Variants in WDR31 observed in about 807,000 individuals in gnomAD.
WDR31 encodes the protein WD repeat domain 31.
A neutral mutation model predicts 47.3 loss-of-function variants in WDR31; 30 were observed. The ratio of observed to expected loss-of-function variants is 0.63; its 90% CI spans 0.47 to 0.86. The LOEUF is 0.86. Among genes scored for constraint, WDR31 ranks in the 40% least tolerant of loss-of-function variants. The pLI, the probability that WDR31 is intolerant of heterozygous loss-of-function variation, is 0.00. For synonymous variants in WDR31, 137 were observed against 159.4 expected, an observed-to-expected ratio of 0.86 and a Z score of 1.06; for missense variants, 406 against 442.9, an observed-to-expected ratio of 0.92 and a Z score of 0.75.
chr9:113,317,049 G>C (rs1833221913), intron 10 of WDR31, 140 bp from the exon 11 acceptor site: 1 of 1,062,466 alleles, frequency 9.4e-7, no homozygotes, highest in Non-Finnish European at 1.3e-6. Context: ...TTCTTCAGAG[G>C]AAAGCATACC....
intron 10 of WDR31, among the ~76,000 whole-genome samples, chr9:113,317,417 C>A (rs549127476): frequency 1.3e-5 from 2 of 152,364 alleles, no homozygotes; most frequent in East Asian, 3.9e-4. Context: ...GGCAGGGAAT[C>A]TGTGCCACTT....
chr9:113,337,137 A>G (rs2118865907), intron 1 of WDR31, among the ~76,000 whole-genome samples: 1 of 152,342 alleles, frequency 6.6e-6, no homozygotes, highest in South Asian at 2.1e-4. Context: ...TGTCTGCATT[A>G]GATAGGACTA....
chr9:113,331,909 G>A lies in WDR31; in HGVS notation c.114C>T (p.Tyr38=), dbSNP rs143557912. 6.4e-4 allele frequency: 1,025 copies of A among 1,613,090 alleles called. 3 individuals carry two copies. Among genetic ancestry groups the A allele is most frequent in the Non-Finnish European group, 5.4e-4 (635 of 1,179,322 alleles). The part of the protein sequence containing the change: ...QSKLKHSTYK[Y]GRPDEIIEER... ...CTCCCAGGGGAGGATTGCAGTACCC[G>A]TATTTATAAGTGCTGTGTTTGAGTT... The change falls in exon 3 of 11, where the codon TAC becomes TAT. Residue 38 remains tyrosine (Y), a splice_region_variant and synonymous_variant. Transcript: ENST00000374193.
intron 4 of WDR31, 96 bp downstream of exon 4, chr9:113,330,888 A>G (rs1372457849): frequency 7.2e-7 from 1 of 1,390,098 alleles, no homozygotes; most frequent in Non-Finnish European, 9.7e-7. Flanking sequence ...ACACTTGTCA[A>G]CCCTGCTCCA....
At chr9:113,321,415 G>C (rs1199090958) in intron 8 of WDR31, 96 bp downstream of exon 8, 3 of 1,264,368 alleles carry the variant, frequency 2.4e-6, no homozygotes, top group Non-Finnish European at 2.3e-6. Flanking sequence ...GGGAAGGGCA[G>C]AGCAATGTGG....
rs1180952494 is a variant in WDR31 at position 113,314,197 on chromosome 9, A to T, written c.*2552T>A. On this transcript the variant is annotated 3_prime_UTR_variant, in exon 11 of 11. Transcript: ENST00000374193. ...AAAAAAAAGGATCAAGGAATGGTAA[A>T]CGTTTATTTTATTTTATTTTATTTT... 1 of 127,766 alleles carries T rather than the reference A, an allele frequency of 7.8e-6. No individual in the cohort carries two copies. Among genetic ancestry groups the T allele is most frequent in the Non-Finnish European group, 1.6e-5 (1 of 60,660 alleles). 7.9% of individuals were successfully genotyped at this position (127,766 alleles called of 1,614,324 possible).
chr9:113,331,247 G>T (rs1422242373), intron 3 of WDR31, 131 bp from the exon 4 acceptor site: 1 of 661,342 alleles, frequency 1.5e-6, no homozygotes, highest in Non-Finnish European at 2.3e-6. Flanking sequence ...ATTTAAAAAG[G>T]AGAAGAGAAG....
At chr9:113,331,654 C>T (rs531539191) in intron 3 of WDR31, among the ~76,000 whole-genome samples, 1 of 152,246 alleles carries the variant, frequency 6.6e-6, no homozygotes, top group African/African-American at 2.4e-5. Flanking sequence ...GCCATGTTGC[C>T]AAGGCTGGTC....
chr9:113,315,078 C>G lies in WDR31; in HGVS notation c.*1671G>C, dbSNP rs545839097. ...TGGAGATTCAAAGTCGGGTCTGACT[C>G]TTTGTACTAGCTTAAGAACAGACTC... is the stretch of plus-strand genomic sequence containing the variant. On this transcript the variant is annotated 3_prime_UTR_variant, in exon 11 of 11. Transcript: ENST00000374193. 7.2e-5 allele frequency: 11 copies of G among 152,158 alleles called. No homozygotes were observed. Among genetic ancestry groups the G allele is most frequent in the Admixed American group, 3.3e-4 (5 of 15,276 alleles). The allele number at this position is 152,158 out of a possible 1,614,324, so 9.4% of individuals were successfully genotyped here. A position where few individuals can be genotyped will look rare whatever the true frequency, so the allele number is the denominator to read the frequency against.
At chr9:113,319,168 G>A (rs1833274195) in intron 9 of WDR31, among the ~76,000 whole-genome samples, 1 of 152,198 alleles carries the variant, frequency 6.6e-6, no homozygotes, top group African/African-American at 2.4e-5. Context: ...TCTACAAGAG[G>A]GAAGTGCCAG....
intron 10 of WDR31, among the ~76,000 whole-genome samples, chr9:113,317,513 A>C (rs1315769421): frequency 6.6e-6 from 1 of 152,226 alleles, no homozygotes; most frequent in Non-Finnish European, 1.5e-5. Flanking sequence ...TTCCTCAAGC[A>C]ACAGTTACAC....
chr9:113,313,624 A>C lies in WDR31; in HGVS notation c.*3125T>G, dbSNP rs1187234382. 1 of 152,220 alleles carries C rather than the reference A, an allele frequency of 6.6e-6. No homozygotes were observed. The highest frequency in any genetic ancestry group is 1.5e-5 in the Non-Finnish European group (1 of 68,050). The allele number at this position is 152,220 out of a possible 1,614,324, so 9.4% of individuals were successfully genotyped here. A position where few individuals can be genotyped will look rare whatever the true frequency, so the allele number is the denominator to read the frequency against. ...CAGATTCATACCTCAGCTCTTCTTA[A>C]TATGTGTGTGACTTTGGGCAAAGTA... On this transcript the variant is annotated 3_prime_UTR_variant, in exon 11 of 11. Transcript: ENST00000374193.
In WDR31 at chr9:113,331,890, G is replaced by A. The variant is rs16912586; in HGVS notation, c.116+17C>T. The A allele has an allele frequency of 1.3e-3, 2,168 of 1,610,324 alleles. 35 individuals carry two copies. In the African/African-American group the frequency reaches 0.026, roughly 19 times the overall value. ...GGGCATGATAAAACCTGGGCTCCCA[G>A]GGGAGGATTGCAGTACCCGTATTTA... On this transcript the variant is annotated intron_variant, in intron 3 of 10. Coordinates refer to ENST00000374193, the MANE Select transcript of WDR31 (RefSeq NM_001012361.4).
chr9:113,320,401 T>C lies in WDR31; in HGVS notation c.736A>G (p.Ile246Val), dbSNP rs755583977. The C allele has an allele frequency of 2.7e-5, 43 of 1,614,250 alleles. 1 individual carries two copies. The South Asian group carries it at 4.7e-4, about 18-fold the overall frequency. ...CCTCCAAAGCCATTGCTGCAGGAGA[T>C]ACACTTGTGTCCATCCACACTGACT... The part of the protein sequence containing the change: ...CEVSVDGHKC[I>V]SCSNGFGGEG... The change falls in exon 9 of 11, where the codon ATC (isoleucine) becomes GTC (valine). Residue 246 changes from isoleucine to valine, a missense_variant. Physicochemically the swap from Ile to Val is conservative, Grantham distance 29 (BLOSUM62 3). Coordinates refer to ENST00000374193, the MANE Select transcript of WDR31 (RefSeq NM_001012361.4).
rs111838023 is a variant in WDR31 at position 113,330,918 on chromosome 9, T to C, written c.249+66A>G. ...GCTCCAGAAATGCAAATCCTAGACT[T>C]CCTTTCAAAATATCTTCCTTTCCCT... On this transcript the variant is annotated intron_variant, in intron 4 of 10. Coordinates refer to ENST00000374193, the MANE Select transcript of WDR31 (RefSeq NM_001012361.4). 4.0e-4 allele frequency: 599 copies of C among 1,515,270 alleles called. 1 individual carries two copies. Among genetic ancestry groups the C allele is most frequent in the Non-Finnish European group, 4.9e-4 (551 of 1,117,464 alleles). 93.9% of individuals were successfully genotyped at this position (1,515,270 alleles called of 1,614,324 possible). A position where few individuals can be genotyped will look rare whatever the true frequency, so the allele number is the denominator to read the frequency against.
intron 5 of WDR31, among the ~76,000 whole-genome samples, chr9:113,326,838 T>C (rs1316084568): frequency 2.6e-5 from 4 of 152,118 alleles, no homozygotes; most frequent in African/African-American, 9.7e-5. Context: ...TCTTCTATTG[T>C]CTTACTTTTT....
In WDR31 at chr9:113,331,124, G is replaced by A. The variant is rs1348953625; in HGVS notation, c.117-8C>T. 2 of 1,296,948 alleles carry A rather than the reference G, an allele frequency of 1.5e-6. No individual in the cohort carries two copies. The highest frequency in any genetic ancestry group is 1.6e-5 in the African/African-American group (1 of 63,868). The allele number at this position is 1,296,948 out of a possible 1,614,324, so 80.3% of individuals were successfully genotyped here. A position where few individuals can be genotyped will look rare whatever the true frequency, so the allele number is the denominator to read the frequency against. ...ATAATTTCATCAGGCCTGCTAAAAA[G>A]AGTATAGAAAATGAGAGACCCAATG... is the stretch of plus-strand genomic sequence containing the variant. On this transcript the variant is annotated splice_polypyrimidine_tract_variant and splice_region_variant and intron_variant, in intron 3 of 10. Coordinates refer to ENST00000374193, the MANE Select transcript of WDR31 (RefSeq NM_001012361.4).
intron 8 of WDR31, 80 bp from the exon 9 acceptor site, chr9:113,320,578 T>G (rs1179036973): frequency 2.4e-5 from 37 of 1,539,540 alleles, no homozygotes; most frequent in Non-Finnish European, 3.0e-5. Context: ...ACCAAAAAAG[T>G]CTTGGCTCTT....
chr9:113,326,780 T>G (rs1833479498), intron 5 of WDR31, among the ~76,000 whole-genome samples: 1 of 152,120 alleles, frequency 6.6e-6, no homozygotes, highest in Non-Finnish European at 1.5e-5. Context: ...GGCCAATTTT[T>G]ACTTTTTAAT....
Sources: gnomAD v4.1 joint callset for allele counts (sites outside exome capture counted in the v4.1 genomes callset) on GRCh38, gnomAD v4.1.1 for gene constraint, MANE v1.5 for transcripts, NCBI Gene and HGNC (gene_info 2026-07-23, HGNC 2026-07-21) for gene names.